The following GCH1 variants were observed in gnomAD, a reference collection of about 807,000 sequenced individuals.
GCH1 encodes the protein GTP cyclohydrolase I.
In GCH1, 5 loss-of-function variants were observed where a neutral mutation model predicts 25.9. The observed-to-expected ratio is 0.19, with a 90% CI of 0.10 to 0.41. The LOEUF (loss-of-function observed/expected upper bound fraction) is 0.41. Among genes scored for constraint, GCH1 ranks in the 10% least tolerant of loss-of-function variants. GCH1 has a pLI of 1.00. For missense variants in GCH1, 261 were observed against 336.5 expected, an observed-to-expected ratio of 0.78 and a Z score of 1.75; for synonymous variants, 159 against 129.6, an observed-to-expected ratio of 1.23 and a Z score of -1.54.
chr14:54,862,842 A>T (rs770425617), intron 2 of GCH1, among the ~76,000 whole-genome samples: 4 of 152,066 alleles, frequency 2.6e-5, no homozygotes, highest in Non-Finnish European at 4.4e-5. Flanking sequence ...CAGAGGCTGA[A>T]GGAAACAAAT....
At chr14:54,861,948 A>C (rs1566667012) in intron 2 of GCH1, among the ~76,000 whole-genome samples, 1 of 152,128 alleles carries the variant, frequency 6.6e-6, no homozygotes, top group African/African-American at 2.4e-5. Context: ...TTCCCTTTCA[A>C]AGATTCCTTC....
intron 3 of GCH1, among the ~76,000 whole-genome samples, chr14:54,856,179 TCCC>T (rs2039809000): frequency 6.6e-6 from 1 of 152,134 alleles, no homozygotes; most frequent in African/African-American, 2.4e-5. Flanking sequence ...GAGAAACTTC[TCCC>T]CCATTTAGAA....
rs2039635021 is a variant in GCH1 at position 54,845,838 on chromosome 14, T to C, written c.556A>G (p.Thr186Ala). The C allele has an allele frequency of 6.2e-7, 1 of 1,603,380 alleles. No homozygotes were observed. Among genetic ancestry groups the C allele is most frequent in the East Asian group, 2.2e-5 (1 of 44,832 alleles). Residue 186 changes from threonine to alanine, a missense_variant, in exon 5 of 6, where the codon ACA becomes GCA. Around this residue, in one of 3 missense-constraint regions of GCH1, gnomAD observed 130 missense variants for 184.1 expected, o/e 0.71. Transcript: ENST00000491895. The part of the protein sequence containing the change: ...SRRLQVQERL[T>A]KQIAVAITEA... ...GTGATTGCTACAGCAATTTGTTTTGTAAGGCGCTCCTGAACTGTGGATGTG... is the reference window on the plus strand; with the variant it reads ...GTGATTGCTACAGCAATTTGTTTTGCAAGGCGCTCCTGAACTGTGGATGTG...
chr14:54,887,812 G>T (rs1319717524), intron 1 of GCH1, among the ~76,000 whole-genome samples: 1 of 152,172 alleles, frequency 6.6e-6, no homozygotes, highest in African/African-American at 2.4e-5. Flanking sequence ...AATCTAGGTG[G>T]TAAGTATATA....
intron 2 of GCH1, among the ~76,000 whole-genome samples, chr14:54,863,295 G>A (rs772142625): frequency 8.6e-5 from 13 of 151,286 alleles, no homozygotes; most frequent in African/African-American, 1.9e-4. Flanking sequence ...GGTGGCAGGC[G>A]CCTGTAGTCC....
intron 1 of GCH1, among the ~76,000 whole-genome samples, chr14:54,867,757 C>T (rs745663324): frequency 2.0e-5 from 3 of 152,090 alleles, no homozygotes; most frequent in South Asian, 2.1e-4. Flanking sequence ...TAGAACTATG[C>T]AGGCGGAGCA....
chr14:54,847,266 G>A, intron 3 of GCH1, 136 bp from the exon 4 acceptor site: 2 of 514,216 alleles, frequency 3.9e-6, no homozygotes, highest in Non-Finnish European at 7.2e-6. Flanking sequence ...CAAGATGACA[G>A]AAAGATACAA....
intron 1 of GCH1, among the ~76,000 whole-genome samples, chr14:54,897,748 A>T (rs924153505): frequency 6.6e-6 from 1 of 151,694 alleles, no homozygotes; most frequent in Non-Finnish European, 1.5e-5. Context: ...ACTTGTGTCA[A>T]CCTCTCTGCC....
chr14:54,876,812 A>C (rs997176671), intron 1 of GCH1, among the ~76,000 whole-genome samples: 1 of 152,212 alleles, frequency 6.6e-6, no homozygotes, highest in Non-Finnish European at 1.5e-5. Flanking sequence ...TGGAAGGATA[A>C]ATTCAGAAGC....
At chr14:54,844,443 G>C (rs2039610173) in intron 5 of GCH1, among the ~76,000 whole-genome samples, 1 of 152,180 alleles carries the variant, frequency 6.6e-6, no homozygotes, top group Admixed American at 6.5e-5. Flanking sequence ...GGGGAAAAAT[G>C]GAATTTTCTT....
chr14:54,883,209 T>C (rs1192990087), intron 1 of GCH1, among the ~76,000 whole-genome samples: 1 of 149,084 alleles, frequency 6.7e-6, no homozygotes, highest in Non-Finnish European at 1.5e-5. Context: ...CCATCTCTAC[T>C]AAAAGTCCAA....
At chr14:54,872,437 A>G (rs1303787630) in intron 1 of GCH1, among the ~76,000 whole-genome samples, 1 of 152,220 alleles carries the variant, frequency 6.6e-6, no homozygotes. Flanking sequence ...AAACTGCATC[A>G]ACTAACGAGC....
chr14:54,873,660 G>C (rs2040114797), intron 1 of GCH1, among the ~76,000 whole-genome samples: 1 of 152,064 alleles, frequency 6.6e-6, no homozygotes, highest in Admixed American at 6.6e-5. Flanking sequence ...TGATAAAGGG[G>C]ATATCACCAC....
chr14:54,899,256 T>C lies in GCH1; in HGVS notation c.343+3065A>G, dbSNP rs150703061. Among the ~76,000 whole-genome samples the C allele has an allele frequency of 9.6e-3, 1,459 of 151,408 alleles. 27 individuals carry two copies. The highest frequency in any genetic ancestry group is 0.033 in the African/African-American group (1,368 of 41,272). Reference sequence around the variant, plus strand: ...CAGGCAGATCCCTTGAGCTCAGGAGTTCAAGACCAGCCCGGGCAACATGGC... The same window carrying C: ...CAGGCAGATCCCTTGAGCTCAGGAGCTCAAGACCAGCCCGGGCAACATGGC... On this transcript the variant is annotated intron_variant, in intron 1 of 5. Transcript: ENST00000491895.
intron 3 of GCH1, among the ~76,000 whole-genome samples, chr14:54,858,208 G>A (rs2039841268): frequency 6.6e-6 from 1 of 152,054 alleles, no homozygotes; most frequent in Non-Finnish European, 1.5e-5. Context: ...TTAAATCCCA[G>A]GGCCTGCATA....
chr14:54,880,988 C>T (rs2040263605), intron 1 of GCH1, among the ~76,000 whole-genome samples: 1 of 151,126 alleles, frequency 6.6e-6, no homozygotes, highest in African/African-American at 2.4e-5. Flanking sequence ...CCATGCCTGG[C>T]TAATTTTTGT....
chr14:54,873,331 A>G (rs1481142047), intron 1 of GCH1, among the ~76,000 whole-genome samples: 13 of 152,356 alleles, frequency 8.5e-5, no homozygotes, highest in Non-Finnish European at 1.3e-4. Context: ...ACTCTCTGGG[A>G]CACATTTAAA....
intron 1 of GCH1, among the ~76,000 whole-genome samples, chr14:54,874,397 G>T (rs2040127485): frequency 6.6e-6 from 1 of 152,154 alleles, no homozygotes; most frequent in Non-Finnish European, 1.5e-5. Flanking sequence ...TACTGAATGG[G>T]CAAAAACTGG....
rs1486693649 is a variant in GCH1 at position 54,902,472 on chromosome 14, G to A, written c.192C>T (p.Asn64=). ...CTGCCAGGTTAGGGAGGTTCAGCTC[G>A]TTATCCTCCTCGCTGCGGGGCCGCT... The part of the protein sequence containing the change: ...KGERPRSEED[N]ELNLPNLAAA... Residue 64 remains asparagine (N), a synonymous_variant, in exon 1 of 6, where the codon AAC becomes AAT. Coordinates refer to ENST00000491895, the MANE Select transcript of GCH1 (RefSeq NM_000161.3). 1.9e-6 allele frequency: 3 copies of A among 1,612,192 alleles called. No individual in the cohort carries two copies. The highest frequency in any genetic ancestry group is 2.5e-6 in the Non-Finnish European group (3 of 1,179,588).
Sources: gnomAD v4.1 joint callset for allele counts (sites outside exome capture counted in the v4.1 genomes callset) on GRCh38, gnomAD v4.1.1 for gene constraint, gnomAD v4.1.1 regional missense constraint, MANE v1.5 for transcripts, NCBI Gene and HGNC (gene_info 2026-07-23, HGNC 2026-07-21) for gene names.